Variants in CDC42SE2 observed in about 807,000 individuals in gnomAD.
CDC42SE2 encodes the protein CDC42 small effector 2, also known as CDC42 small effector protein 2.
A neutral mutation model predicts 11.5 loss-of-function variants in CDC42SE2; 3 were observed. The observed-to-expected ratio is 0.26, with a 90% CI of 0.12 to 0.67. The LOEUF (loss-of-function observed/expected upper bound fraction) is 0.67, where lower values mean the gene tolerates loss of function less well. Ranked by LOEUF, CDC42SE2 falls within the 30% of genes least tolerant of loss-of-function variation. The probability of loss-of-function intolerance (pLI) is 0.80; values close to 1 mark genes in which losing one functional copy is unlikely to be tolerated. For missense variants in CDC42SE2, 82 were observed against 106.8 expected, an observed-to-expected ratio of 0.77 and a Z score of 1.02; for synonymous variants, 33 against 34.8, an observed-to-expected ratio of 0.95 and a Z score of 0.18.
chr5:131,269,891 T>C (rs1344511096), intron 1 of CDC42SE2, among the ~76,000 whole-genome samples: 1 of 151,158 alleles, frequency 6.6e-6, no homozygotes, highest in Non-Finnish European at 1.5e-5. Context: ...TGAAACCCCA[T>C]CTCTACTAAA....
At chr5:131,290,033 G>T (rs1757423634) in intron 1 of CDC42SE2, among the ~76,000 whole-genome samples, 1 of 152,060 alleles carries the variant, frequency 6.6e-6, no homozygotes, top group Non-Finnish European at 1.5e-5. Flanking sequence ...CTTTTGTAGA[G>T]ACAGGGTCTC....
chr5:131,248,471 G>T (rs367751789), intron 1 of CDC42SE2, among the ~76,000 whole-genome samples: 1 of 152,238 alleles, frequency 6.6e-6, no homozygotes, highest in East Asian at 1.9e-4. Flanking sequence ...ATGAGATGAA[G>T]ATTCCCCTGT....
At chr5:131,384,520 G>A (rs1183328455) in intron 3 of CDC42SE2, among the ~76,000 whole-genome samples, 1 of 152,172 alleles carries the variant, frequency 6.6e-6, no homozygotes, top group Non-Finnish European at 1.5e-5. Context: ...ACTGGGATAA[G>A]CAGAGCCCCA....
intron 2 of CDC42SE2, among the ~76,000 whole-genome samples, chr5:131,355,304 C>G (rs1315037716): frequency 6.6e-6 from 1 of 151,906 alleles, no homozygotes; most frequent in Non-Finnish European, 1.5e-5. Context: ...TAGTGAGACC[C>G]TGTCTCTATA....
chr5:131,261,395 A>AT (rs1181423252), upstream of CDC42SE2: 2 of 152,218 alleles, frequency 1.3e-5, no homozygotes, highest in Admixed American at 6.5e-5. Context: ...CACATTGTCA[A>AT]TTTTTTTATA....
At chr5:131,321,362 TAA>T (rs902176950) in intron 2 of CDC42SE2, among the ~76,000 whole-genome samples, 5 of 152,156 alleles carry the variant, frequency 3.3e-5, no homozygotes, top group African/African-American at 1.2e-4. Flanking sequence ...GGCAGTTTTT[TAA>T]AAGTTACTGA....
chr5:131,236,604 T>G, the CDC42SE2 span, among the ~76,000 whole-genome samples: 1 of 152,086 alleles, frequency 6.6e-6, no homozygotes, highest in Non-Finnish European at 1.5e-5. Context: ...AGTTTGTATT[T>G]TTAGTAGAGA....
At chr5:131,364,149 A>G (rs1016462835) in intron 3 of CDC42SE2, among the ~76,000 whole-genome samples, 2 of 152,238 alleles carry the variant, frequency 1.3e-5, no homozygotes, top group African/African-American at 4.8e-5. Flanking sequence ...AGTGGAGGAC[A>G]TATTTACTGT....
rs1166685134 is a variant in CDC42SE2, at chr5:131,394,160, G to A, written c.*3069G>A. On this transcript the variant is annotated 3_prime_UTR_variant, in exon 5 of 5. Coordinates refer to ENST00000505065, the MANE Select transcript of CDC42SE2 (RefSeq NM_001375635.1). ...GCATATCTCATTTTTAAATTGAAGC[G>A]AATTAAATAGGATTTTACTACTCAA... 2.0e-5 allele frequency: 3 copies of A among 152,222 alleles called. No individual in the cohort carries two copies. The highest frequency in any genetic ancestry group is 2.9e-5 in the Non-Finnish European group (2 of 68,018). 9.4% of individuals were successfully genotyped at this position (152,222 alleles called of 1,614,324 possible).
At chr5:131,228,832 A>G in the CDC42SE2 span, among the ~76,000 whole-genome samples, 1 of 152,254 alleles carries the variant, frequency 6.6e-6, no homozygotes. Context: ...AAGGAAGGCC[A>G]TGTGAGGACA....
intron 1 of CDC42SE2, among the ~76,000 whole-genome samples, chr5:131,308,357 A>G (rs1202891362): frequency 4.6e-5 from 7 of 151,598 alleles, no homozygotes; most frequent in African/African-American, 1.2e-4. Context: ...GCCTTGTAGT[A>G]TAGTTTGAAG....
At chr5:131,333,020 G>A (rs570071961) in intron 2 of CDC42SE2, among the ~76,000 whole-genome samples, 1 of 152,266 alleles carries the variant, frequency 6.6e-6, no homozygotes, top group Admixed American at 6.5e-5. Flanking sequence ...TGCTTTTGGT[G>A]TTTTAGACAT....
rs1197011371 is a variant in CDC42SE2 at position 131,391,455 on chromosome 5, T to G, written c.*364T>G. The G allele has an allele frequency of 1.3e-5, 2 of 153,110 alleles. No homozygotes were observed. Among genetic ancestry groups the G allele is most frequent in the African/African-American group, 4.8e-5 (2 of 41,476 alleles). The allele number at this position is 153,110 out of a possible 1,614,324, so 9.5% of individuals were successfully genotyped here. Reference sequence around the variant, plus strand: ...GGGAGGCCTAGGTGGGCTGATCACCTGAGGCCAGGAATTGGAGACTAGCCT... The same window carrying G: ...GGGAGGCCTAGGTGGGCTGATCACCGGAGGCCAGGAATTGGAGACTAGCCT... On this transcript the variant is annotated 3_prime_UTR_variant, in exon 5 of 5. Transcript: ENST00000505065.
intron 2 of CDC42SE2, among the ~76,000 whole-genome samples, chr5:131,344,973 C>T (rs2149756331): frequency 6.6e-6 from 1 of 152,272 alleles, no homozygotes; most frequent in South Asian, 2.1e-4. Flanking sequence ...ACAGAAAGGA[C>T]ATCCACACCA....
chr5:131,357,254 G>A (rs1580776812), intron 2 of CDC42SE2, among the ~76,000 whole-genome samples: 1 of 152,268 alleles, frequency 6.6e-6, no homozygotes, highest in East Asian at 1.9e-4. Context: ...TCTTTCTTTT[G>A]ATATTCCTTG....
rs899887956 is a variant in CDC42SE2, at chr5:131,283,027, A to T, written c.-455+18861A>T. Among the ~76,000 whole-genome samples, 2 of 150,714 alleles carry T rather than the reference A, an allele frequency of 1.3e-5. 1 individual carries two copies. Among genetic ancestry groups the T allele is most frequent in the Middle Eastern group, 6.9e-3 (2 of 290 alleles). On this transcript the variant is annotated intron_variant, in intron 1 of 4. Transcript: ENST00000505065. ...ACCGCAGCCTCCACCTCCCGGGTTC[A>T]AGCGATTCTCCTGCCTCAGCCTCCC...
At chr5:131,362,449 C>T (rs1005466403) in intron 3 of CDC42SE2, among the ~76,000 whole-genome samples, 6 of 152,110 alleles carry the variant, frequency 3.9e-5, no homozygotes, top group Non-Finnish European at 8.8e-5. Flanking sequence ...AAAGACATAT[C>T]CTTGGTATTC....
chr5:131,364,101 C>T (rs1231238416), intron 3 of CDC42SE2, among the ~76,000 whole-genome samples: 1 of 152,158 alleles, frequency 6.6e-6, no homozygotes, highest in Non-Finnish European at 1.5e-5. Flanking sequence ...ACAGTGAATA[C>T]AACAGATGTC....
At chr5:131,309,204 CAT>C (rs1360548047) in intron 1 of CDC42SE2, among the ~76,000 whole-genome samples, 1 of 152,100 alleles carries the variant, frequency 6.6e-6, no homozygotes, top group African/African-American at 2.4e-5. Context: ...TTGAGATAAT[CAT>C]GTGGTTTTTG....
Sources: allele counts gnomAD v4.1 joint callset (sites outside exome capture counted in the v4.1 genomes callset), GRCh38; gene constraint gnomAD v4.1.1; transcripts MANE v1.5; gene names NCBI Gene and HGNC (gene_info 2026-07-23, HGNC 2026-07-21).